The following VTI1A variants were observed in gnomAD, a reference collection of about 807,000 sequenced individuals.
The protein encoded by VTI1A is vesicle transport through interaction with t-SNAREs 1A.
Under a neutral mutation model 34.9 loss-of-function variants are expected in VTI1A, and 22 were observed. The observed-to-expected ratio is 0.63, with a 90% CI of 0.45 to 0.90. VTI1A has a LOEUF of 0.90. Ranked by LOEUF, VTI1A falls within the 40% of genes least tolerant of loss-of-function variation. The pLI, the probability that VTI1A is intolerant of heterozygous loss-of-function variation, is 0.00. For synonymous variants in VTI1A, 87 were observed against 97.3 expected, an observed-to-expected ratio of 0.89 and a Z score of 0.62; for missense variants, 268 against 275.6, an observed-to-expected ratio of 0.97 and a Z score of 0.20.
At chr10:112,840,421 G>A in the VTI1A span, among the ~76,000 whole-genome samples, 5 of 152,144 alleles carry the variant, frequency 3.3e-5, no homozygotes, top group Non-Finnish European at 5.9e-5. Flanking sequence ...CTGTCTCTGA[G>A]TCTCTGCCAA....
chr10:112,681,121 C>G (rs1163246770), intron 7 of VTI1A, among the ~76,000 whole-genome samples: 2 of 149,150 alleles, frequency 1.3e-5, no homozygotes, highest in Non-Finnish European at 3.0e-5. Flanking sequence ...AGTCACTGAG[C>G]TTAGGGTACA....
At chr10:112,506,533 T>C (rs1044789616) in intron 3 of VTI1A, among the ~76,000 whole-genome samples, 2 of 152,216 alleles carry the variant, frequency 1.3e-5, no homozygotes, top group African/African-American at 4.8e-5. Context: ...CAATATCATA[T>C]TACTTCCTGG....
At chr10:112,498,836 G>A (rs1347625749) in intron 3 of VTI1A, among the ~76,000 whole-genome samples, 1 of 152,072 alleles carries the variant, frequency 6.6e-6, no homozygotes, top group Non-Finnish European at 1.5e-5. Context: ...TCAAGTGGTA[G>A]GTGCTCTATT....
intron 3 of VTI1A, among the ~76,000 whole-genome samples, chr10:112,500,681 G>A (rs1186475910): frequency 1.3e-5 from 2 of 152,052 alleles, no homozygotes; most frequent in Non-Finnish European, 2.9e-5. Flanking sequence ...ATCTGAGTTT[G>A]CTTCTCCTAG....
intron 5 of VTI1A, among the ~76,000 whole-genome samples, chr10:112,656,521 ATTTTTTTT>A (rs768159688): frequency 9.7e-6 from 1 of 103,212 alleles, no homozygotes; most frequent in Non-Finnish European, 1.9e-5. Context: ...CACCCAGATA[ATTTTTTTT>A]TTTTTTTTTT....
rs772573758 is a variant in VTI1A, at chr10:112,460,574, A to G, written c.145A>G (p.Lys49Glu). The part of the protein sequence containing the change: ...ANVEKQLEEA[K>E]ELLEQMDLEV... ...TGTGGAGAAACAGCTTGAAGAAGCGAAAGAACTGGTATGTACAGACAGTAA... is the reference window on the plus strand; with the variant it reads ...TGTGGAGAAACAGCTTGAAGAAGCGGAAGAACTGGTATGTACAGACAGTAA... Residue 49 changes from lysine (K) to glutamate (E), a missense_variant, in exon 2 of 8, where the codon AAA becomes GAA. Transcript: ENST00000393077. The G allele has an allele frequency of 6.2e-7, 1 of 1,609,122 alleles. No individual in the cohort carries two copies. Among genetic ancestry groups the G allele is most frequent in the Admixed American group, 1.7e-5 (1 of 59,416 alleles).
At chr10:112,459,343 G>A (rs1199767472) in intron 1 of VTI1A, among the ~76,000 whole-genome samples, 2 of 152,132 alleles carry the variant, frequency 1.3e-5, no homozygotes, top group African/African-American at 2.4e-5. Flanking sequence ...TGCTAGCAGC[G>A]CTTCTAGGCT....
chr10:112,757,800 C>T (rs1851338574), intron 7 of VTI1A, among the ~76,000 whole-genome samples: 1 of 152,078 alleles, frequency 6.6e-6, no homozygotes, highest in Admixed American at 6.5e-5. Flanking sequence ...ATCTGGCCAC[C>T]CAAAGATACC....
chr10:112,593,911 T>TTTA (rs58986433), intron 5 of VTI1A, among the ~76,000 whole-genome samples: 18,722 of 149,198 alleles, frequency 0.13, 1,252 homozygotes, highest in Non-Finnish European at 0.14. Flanking sequence ...TAATTTTTTT[T>TTTA]TTATTATTAT....
intron 7 of VTI1A, among the ~76,000 whole-genome samples, chr10:112,791,195 A>G (rs867665316): frequency 3.3e-5 from 5 of 152,228 alleles, no homozygotes; most frequent in African/African-American, 4.8e-5. Flanking sequence ...CCTAGTCATC[A>G]GGTTGTTTCA....
At chr10:112,718,617 T>G (rs887312761) in intron 7 of VTI1A, among the ~76,000 whole-genome samples, 1 of 152,196 alleles carries the variant, frequency 6.6e-6, no homozygotes, top group African/African-American at 2.4e-5. Context: ...TTGGATAATC[T>G]AGAAAAGAAT....
At chr10:112,629,371 A>G (rs1467001873) in intron 5 of VTI1A, among the ~76,000 whole-genome samples, 2 of 152,202 alleles carry the variant, frequency 1.3e-5, no homozygotes, top group Non-Finnish European at 2.9e-5. Flanking sequence ...TATTCCTCCT[A>G]TCGCCGTCAT....
At chr10:112,591,658 G>T (rs1844396874) in intron 5 of VTI1A, among the ~76,000 whole-genome samples, 1 of 152,186 alleles carries the variant, frequency 6.6e-6, no homozygotes, top group South Asian at 2.1e-4. Flanking sequence ...GGACATCTCA[G>T]GCTGGTGTTC....
At chr10:112,462,793 G>T (rs1023216844) in intron 2 of VTI1A, among the ~76,000 whole-genome samples, 1 of 152,180 alleles carries the variant, frequency 6.6e-6, no homozygotes, top group Admixed American at 6.5e-5. Flanking sequence ...GTAGGGTTCC[G>T]GAAGGAACTT....
rs1020124655 is a variant in VTI1A at position 112,816,345 on chromosome 10, T to C, written c.*962T>C. ...CAGTGTGAAATTTCAAATGTGATTA[T>C]AAATATGGGAGAGTCCTATAGGAGG... is the stretch of plus-strand genomic sequence containing the variant. On this transcript the variant is annotated 3_prime_UTR_variant, in exon 8 of 8. Transcript: ENST00000393077. 2 of 219,712 alleles carry C rather than the reference T, an allele frequency of 9.1e-6. No homozygotes were observed. The highest frequency in any genetic ancestry group is 1.8e-5 in the Non-Finnish European group (2 of 109,616). 13.6% of individuals were successfully genotyped at this position (219,712 alleles called of 1,614,324 possible). A position where few individuals can be genotyped will look rare whatever the true frequency, so the allele number is the denominator to read the frequency against.
chr10:112,484,739 T>C (rs762300947), intron 3 of VTI1A, among the ~76,000 whole-genome samples: 2 of 152,036 alleles, frequency 1.3e-5, no homozygotes, highest in Non-Finnish European at 2.9e-5. Context: ...TGCCTGTTGA[T>C]TAATTTTAAG....
intron 7 of VTI1A, among the ~76,000 whole-genome samples, chr10:112,789,760 G>T (rs1444066495): frequency 1.3e-5 from 2 of 151,816 alleles, no homozygotes; most frequent in Non-Finnish European, 2.9e-5. Flanking sequence ...TCTCTGTTGA[G>T]ATTTCTTCTT....
intron 4 of VTI1A, among the ~76,000 whole-genome samples, chr10:112,536,686 C>T (rs1047814319): frequency 1.3e-5 from 2 of 151,882 alleles, no homozygotes; most frequent in Non-Finnish European, 2.9e-5. Flanking sequence ...TTGCAGCTTC[C>T]TGACCTTCAC....
At chr10:112,694,362 TTGGATGGATGGATGGATGGATGGG>T (rs1486185534) in intron 7 of VTI1A, among the ~76,000 whole-genome samples, 2 of 151,312 alleles carry the variant, frequency 1.3e-5, no homozygotes, top group African/African-American at 4.9e-5. Flanking sequence ...CAGGAAGTAT[TTGGATGGATGGATGGATGGATGGG>T]TGGATGGATG....
Sources: gnomAD v4.1 joint callset for allele counts (sites outside exome capture counted in the v4.1 genomes callset) on GRCh38, gnomAD v4.1.1 for gene constraint, MANE v1.5 for transcripts, NCBI Gene and HGNC (gene_info 2026-07-23, HGNC 2026-07-21) for gene names.